HNRNPC: variants seen among roughly 807,000 people sequenced by gnomAD.
HNRNPC encodes heterogeneous nuclear ribonucleoprotein C.
A neutral mutation model predicts 33.2 loss-of-function variants in HNRNPC; 3 were observed. The observed-to-expected ratio is 0.09, with a 90% CI of 0.04 to 0.23. HNRNPC has a LOEUF of 0.23. HNRNPC is among the 10% of genes least tolerant of loss of function. The probability of loss-of-function intolerance (pLI) is 1.00; values close to 1 mark genes in which losing one functional copy is unlikely to be tolerated. For missense variants in HNRNPC, 143 were observed against 366.7 expected (o/e 0.39, Z 4.98); for synonymous variants, 121 against 126.7 (o/e 0.96, Z 0.30).
Position 21,230,313 on chromosome 14 carries a change from A to C in HNRNPC, c.365+6T>G. ...TTTAGCAGAAATACAAAACATTTTA[A>C]CATACCTATCATAATAGTCCCGTTG... On this transcript the variant is annotated splice_donor_region_variant and intron_variant, in intron 5 of 8. Coordinates refer to ENST00000553300, the MANE Select transcript of HNRNPC (RefSeq NM_004500.4). The C allele has an allele frequency of 6.3e-7, 1 of 1,595,044 alleles. No homozygotes were observed. The highest frequency in any genetic ancestry group is 1.1e-5 in the South Asian group (1 of 90,176).
chr14:21,220,437 C>A (rs1892700086), intron 5 of HNRNPC, among the ~76,000 whole-genome samples: 1 of 152,238 alleles, frequency 6.6e-6, no homozygotes, highest in South Asian at 2.1e-4. Context: ...CCATGTTAGC[C>A]AGGCTGGTCT....
Position 21,209,457 on chromosome 14 carries a change from CACGGGTT to C in HNRNPC, c.*1759_*1765del. ...CTAAGCATCCAGTTTATTTTCTAGT[CACGGGTT>C]ACTTACTAAAAGTCTGTGTAACATG... On this transcript the variant is annotated 3_prime_UTR_variant, in exon 9 of 9. Transcript: ENST00000553300. The C allele has an allele frequency of 2.6e-5, 4 of 152,300 alleles. No homozygotes were observed. In the South Asian group the frequency reaches 8.3e-4, roughly 32 times the overall value. The allele number at this position is 152,300 out of a possible 1,614,324, so 9.4% of individuals were successfully genotyped here. A position where few individuals can be genotyped will look rare whatever the true frequency, so the allele number is the denominator to read the frequency against.
intron 7 of HNRNPC, 100 bp downstream of exon 7, chr14:21,211,694 CACTCCCCAAGTTTCAT>C: frequency 7.0e-7 from 1 of 1,418,958 alleles, no homozygotes. Context: ...TCCCAATTCA[CACTCCCCAAGTTTCAT>C]ATTACATTGC....
chr14:21,248,033 T>C (rs1192553590), intron 2 of HNRNPC, among the ~76,000 whole-genome samples: 2 of 151,632 alleles, frequency 1.3e-5, no homozygotes, highest in African/African-American at 4.8e-5. Flanking sequence ...ATTCAAGCCA[T>C]GTCCACTATG....
At chr14:21,256,604 G>A (rs577207223) in intron 2 of HNRNPC, among the ~76,000 whole-genome samples, 181 of 152,234 alleles carry the variant, frequency 1.2e-3, no homozygotes, top group African/African-American at 4.1e-3. Context: ...TGGACCAAGT[G>A]TCGACAGTAT....
intron 2 of HNRNPC, among the ~76,000 whole-genome samples, chr14:21,242,692 T>C (rs536693686): frequency 1.3e-5 from 2 of 152,268 alleles, no homozygotes; most frequent in South Asian, 2.1e-4. Context: ...CAACCTAAAC[T>C]AAGGGATCAT....
chr14:21,240,537 A>G (rs1183717594), intron 2 of HNRNPC, among the ~76,000 whole-genome samples: 1 of 152,176 alleles, frequency 6.6e-6, no homozygotes, highest in Non-Finnish European at 1.5e-5. Flanking sequence ...TGGTCCACAA[A>G]CAGGTTGTGA....
rs117138992 is a variant in HNRNPC, at chr14:21,234,032, G to A, written c.162C>T (p.Phe54=). The A allele has an allele frequency of 9.9e-6, 16 of 1,613,758 alleles. No individual in the cohort carries two copies. The highest frequency in any genetic ancestry group is 4.5e-5 in the East Asian group (2 of 44,858). The change falls in exon 3 of 9, where the codon TTC becomes TTT. Residue 54 remains phenylalanine, a synonymous_variant. Coordinates refer to ENST00000553300, the MANE Select transcript of HNRNPC (RefSeq NM_004500.4). ...CATTTCTCTCATTAACATACTGAAC[G>A]AAGGCAAAGCCCTTATGAACAGAGC... ...VGCSVHKGFA[F]VQYVNERNAR... is the part of the protein sequence containing the mutation.
intron 2 of HNRNPC, among the ~76,000 whole-genome samples, chr14:21,254,309 T>C (rs921450448): frequency 6.6e-6 from 1 of 152,130 alleles, no homozygotes; most frequent in African/African-American, 2.4e-5. Flanking sequence ...TATAATACTA[T>C]GTAACTACTA....
At chr14:21,268,909 C>G (rs1008186096) in intron 1 of HNRNPC, among the ~76,000 whole-genome samples, 3 of 152,026 alleles carry the variant, frequency 2.0e-5, no homozygotes, top group African/African-American at 7.3e-5. Flanking sequence ...TTCCCCTCCC[C>G]CACTTTTTAC....
At chr14:21,236,663 AATG>A (rs1894725861) in intron 2 of HNRNPC, among the ~76,000 whole-genome samples, 1 of 152,202 alleles carries the variant, frequency 6.6e-6, no homozygotes, top group African/African-American at 2.4e-5. Flanking sequence ...GAAATAACCA[AATG>A]ATGTCAAGTC....
At chr14:21,216,023 C>G (rs897823371) in intron 5 of HNRNPC, among the ~76,000 whole-genome samples, 1 of 148,180 alleles carries the variant, frequency 6.7e-6, no homozygotes, top group African/African-American at 2.5e-5. Flanking sequence ...GGCTGAGGCA[C>G]GAGAGTTGCT....
At chr14:21,258,208 T>C (rs547576223) in intron 2 of HNRNPC, among the ~76,000 whole-genome samples, 4 of 152,058 alleles carry the variant, frequency 2.6e-5, no homozygotes, top group Admixed American at 1.3e-4. Flanking sequence ...CTGGCCAACA[T>C]GGTGAAACCC....
chr14:21,268,891 C>T (rs1236938253), intron 1 of HNRNPC, among the ~76,000 whole-genome samples: 1 of 152,030 alleles, frequency 6.6e-6, no homozygotes, highest in Non-Finnish European at 1.5e-5. Flanking sequence ...ACTTGGTAAC[C>T]TTCCCCCTTC....
chr14:21,214,554 T>C (rs1350953374), intron 5 of HNRNPC, among the ~76,000 whole-genome samples: 2 of 152,076 alleles, frequency 1.3e-5, no homozygotes, highest in East Asian at 3.8e-4. Context: ...ACTGCACTCA[T>C]GCGGAACAGA....
chr14:21,245,643 G>A (rs1461542181), intron 2 of HNRNPC, among the ~76,000 whole-genome samples: 1 of 152,066 alleles, frequency 6.6e-6, no homozygotes, highest in African/African-American at 2.4e-5. Context: ...CACTACTGTG[G>A]ACTTTATAAA....
At chr14:21,248,812 A>G (rs1163962277) in intron 2 of HNRNPC, among the ~76,000 whole-genome samples, 1 of 152,254 alleles carries the variant, frequency 6.6e-6, no homozygotes, top group Non-Finnish European at 1.5e-5. Flanking sequence ...CATTACATCA[A>G]AAGTTTTAAA....
chr14:21,231,338 A>G lies in HNRNPC; in HGVS notation c.242-266T>C, dbSNP rs1341494357. ...AGTTTAGAAAATCACACAGACACATAAATTAGAAAATGTGGAACAAAACAA... is the reference window on the plus strand; with the variant it reads ...AGTTTAGAAAATCACACAGACACATGAATTAGAAAATGTGGAACAAAACAA... On this transcript the variant is annotated intron_variant, in intron 3 of 8. Transcript: ENST00000553300. The G allele has an allele frequency of 5.4e-6, 3 of 555,826 alleles. 1 individual carries two copies. Among genetic ancestry groups the G allele is most frequent in the South Asian group, 3.1e-5 (2 of 65,484 alleles). The allele number at this position is 555,826 out of a possible 1,614,324, so 34.4% of individuals were successfully genotyped here. A position where few individuals can be genotyped will look rare whatever the true frequency, so the allele number is the denominator to read the frequency against.
At chr14:21,248,761 T>C (rs150728280) in intron 2 of HNRNPC, among the ~76,000 whole-genome samples, 73 of 152,368 alleles carry the variant, frequency 4.8e-4, no homozygotes, top group African/African-American at 1.7e-3. Flanking sequence ...TCAAAATAAA[T>C]GGTCCGTATG....
Sources: allele counts gnomAD v4.1 joint callset (sites outside exome capture counted in the v4.1 genomes callset), GRCh38; gene constraint gnomAD v4.1.1; transcripts MANE v1.5; gene names NCBI Gene and HGNC (gene_info 2026-07-23, HGNC 2026-07-21).